ABCD2: variants seen among roughly 807,000 people sequenced by gnomAD.
ABCD2 encodes ATP-binding cassette sub-family D member 2.
Under a neutral mutation model 70.9 loss-of-function variants are expected in ABCD2, and 36 were observed. The ratio of observed to expected loss-of-function variants is 0.51; its 90% CI spans 0.39 to 0.67. The LOEUF is 0.67. Among genes scored for constraint, ABCD2 ranks in the 30% least tolerant of loss-of-function variants. ABCD2 has a pLI of 0.00. For synonymous variants in ABCD2, 304 were observed against 306.9 expected, an observed-to-expected ratio of 0.99 and a Z score of 0.10; for missense variants, 729 against 890.2, an observed-to-expected ratio of 0.82 and a Z score of 2.30.
At chr12:39,563,171 A>G (rs1941286246) in intron 9 of ABCD2, among the ~76,000 whole-genome samples, 1 of 152,190 alleles carries the variant, frequency 6.6e-6, no homozygotes, top group African/African-American at 2.4e-5. Context: ...TCAACAAAAT[A>G]AAGACCATAT....
At chr12:39,578,743 G>C (rs566964461) in intron 8 of ABCD2, among the ~76,000 whole-genome samples, 35 of 151,870 alleles carry the variant, frequency 2.3e-4, no homozygotes, top group African/African-American at 8.4e-4. Flanking sequence ...TGAAACCTAC[G>C]CAGAATGGTC....
intron 6 of ABCD2, 116 bp from the exon 7 acceptor site, chr12:39,586,413 T>C: frequency 9.8e-7 from 1 of 1,019,160 alleles, no homozygotes; most frequent in African/African-American, 1.6e-5. Flanking sequence ...ATTTCCAGGA[T>C]GATATTTGTT....
chr12:39,539,518 C>T, the ABCD2 span: 3 of 160,516 alleles, frequency 1.9e-5, no homozygotes, highest in Admixed American at 1.2e-4. Context: ...AGACTCTTTT[C>T]CTCAGGGCTG....
intron 9 of ABCD2, among the ~76,000 whole-genome samples, chr12:39,558,655 A>G (rs1448430382): frequency 6.6e-6 from 1 of 152,126 alleles, no homozygotes; most frequent in Middle Eastern, 3.2e-3. Context: ...CCTTGTGAAT[A>G]AGGTGCTTTG....
At chr12:39,575,397 A>G (rs577708660) in intron 8 of ABCD2, among the ~76,000 whole-genome samples, 40 of 152,058 alleles carry the variant, frequency 2.6e-4, no homozygotes, top group Non-Finnish European at 5.6e-4. Context: ...ATATCAAGCA[A>G]TAGCTAGAAT....
Position 39,619,723 on chromosome 12 carries a change from G to A in ABCD2, c.-108C>T, listed in dbSNP as rs1942169513. On this transcript the variant is annotated 5_prime_UTR_variant, in exon 1 of 10. Transcript: ENST00000308666. ...AAAGTCCTACAGCGTCCCATAGTCTGCAGCGTTTCTCTTCCACTGTTGTGT... is the reference window on the plus strand; with the variant it reads ...AAAGTCCTACAGCGTCCCATAGTCTACAGCGTTTCTCTTCCACTGTTGTGT... The A allele has an allele frequency of 6.2e-6, 6 of 965,308 alleles. No individual in the cohort carries two copies. The highest frequency in any genetic ancestry group is 9.0e-6 in the Non-Finnish European group (6 of 666,378). 59.8% of individuals were successfully genotyped at this position (965,308 alleles called of 1,614,324 possible). A position where few individuals can be genotyped will look rare whatever the true frequency, so the allele number is the denominator to read the frequency against.
chr12:39,582,972 A>G lies in ABCD2; in HGVS notation c.1792+3180T>C, dbSNP rs1459129723. ...CTTTGCGGGCTCAGGTGATTCTCCCACCTCAGCCTCCCAAATAGCTGAGAC... is the reference window on the plus strand; with the variant it reads ...CTTTGCGGGCTCAGGTGATTCTCCCGCCTCAGCCTCCCAAATAGCTGAGAC... On this transcript the variant is annotated intron_variant, in intron 7 of 9. Transcript: ENST00000308666. 3.3e-5 allele frequency among the ~76,000 whole-genome samples: 5 copies of G among 150,974 alleles called. No homozygotes were observed. In the East Asian group the frequency reaches 9.8e-4, roughly 29 times the overall value.
chr12:39,545,506 A>G (rs1292598147), downstream of ABCD2, among the ~76,000 whole-genome samples: 1 of 152,174 alleles, frequency 6.6e-6, no homozygotes, highest in Admixed American at 6.5e-5. Context: ...GCAGGGAGAT[A>G]ACAGAGGCAG....
At chr12:39,534,731 A>AGGAAGGAAGGAAAG in the ABCD2 span, among the ~76,000 whole-genome samples, 1 of 72,024 alleles carries the variant, frequency 1.4e-5, no homozygotes, top group Admixed American at 1.4e-4. Flanking sequence ...AGGAAGGAAA[A>AGGAAGGAAGGAAAG]GAAGGAAGGA....
At chr12:39,601,973 G>A (rs544521882) in intron 5 of ABCD2, among the ~76,000 whole-genome samples, 1 of 151,744 alleles carries the variant, frequency 6.6e-6, no homozygotes, top group Non-Finnish European at 1.5e-5. Context: ...TTCTCTATTA[G>A]GCATTCTCAG....
rs1159252631 is a variant in ABCD2, at chr12:39,618,684, C to A, written c.932G>T (p.Gly311Val). 6.2e-7 allele frequency: 1 copy of A among 1,612,574 alleles called. No individual in the cohort carries two copies. ...ANVEEIAFYRGHKVEMKQLQK... is the reference protein window; with the variant it reads ...ANVEEIAFYRVHKVEMKQLQK... ...CCTTAATTTCTATCTTACCTTATGTCCTCTGTAAAAGGCAATTTCTTCTAC... is the reference window on the plus strand; with the variant it reads ...CCTTAATTTCTATCTTACCTTATGTACTCTGTAAAAGGCAATTTCTTCTAC... Residue 311 changes from glycine to valine, a missense_variant, in exon 1 of 10, where the codon GGA becomes GTA. Gly to Val is a moderately radical substitution (Grantham distance 109, BLOSUM62 -3). This residue lies in a region of ABCD2 where 195 missense variants were observed against 300.2 expected (regional missense o/e 0.65). Transcript: ENST00000308666.
chr12:39,535,711 T>C, the ABCD2 span, among the ~76,000 whole-genome samples: 3 of 152,232 alleles, frequency 2.0e-5, no homozygotes, highest in African/African-American at 7.2e-5. Context: ...TCAACACTTA[T>C]TCATTCTAAA....
intron 9 of ABCD2, among the ~76,000 whole-genome samples, chr12:39,556,478 C>T (rs981468331): frequency 2.0e-5 from 3 of 152,098 alleles, no homozygotes; most frequent in South Asian, 2.1e-4. Flanking sequence ...CTCCTGTGTT[C>T]GTTCTCTTTC....
intron 6 of ABCD2, among the ~76,000 whole-genome samples, chr12:39,589,545 G>C (rs528902506): frequency 4.6e-5 from 7 of 151,802 alleles, no homozygotes; most frequent in African/African-American, 1.5e-4. Flanking sequence ...CTGTCACCAC[G>C]CCTGGCTAAT....
chr12:39,554,370 G>C (rs977233477), intron 9 of ABCD2, among the ~76,000 whole-genome samples: 10 of 152,024 alleles, frequency 6.6e-5, no homozygotes, highest in Admixed American at 3.9e-4. Context: ...TATATTAACT[G>C]TAAAGGAAGA....
intron 9 of ABCD2, among the ~76,000 whole-genome samples, chr12:39,568,265 A>G (rs1248052699): frequency 5.3e-5 from 8 of 152,198 alleles, no homozygotes; most frequent in Non-Finnish European, 1.0e-4. Flanking sequence ...AGGTACACCA[A>G]TCAGATGTAG....
chr12:39,553,822 C>A lies in ABCD2; in HGVS notation c.*90G>T. 1.0e-6 allele frequency: 1 copy of A among 960,634 alleles called. No homozygotes were observed. The highest frequency in any genetic ancestry group is 1.5e-6 in the Non-Finnish European group (1 of 664,512). The allele number at this position is 960,634 out of a possible 1,614,324, so 59.5% of individuals were successfully genotyped here. On this transcript the variant is annotated 3_prime_UTR_variant, in exon 10 of 10. Coordinates refer to ENST00000308666, the MANE Select transcript of ABCD2 (RefSeq NM_005164.4). ...AACATGTCTTGCTGCCTTTTTTTCT[C>A]TGTGCTTAGCTTAACATACTTCATG...
At chr12:39,564,261 C>T (rs1453617335) in intron 9 of ABCD2, among the ~76,000 whole-genome samples, 1 of 152,160 alleles carries the variant, frequency 6.6e-6, no homozygotes, top group East Asian at 1.9e-4. Context: ...AAAAGTGTTC[C>T]TATTTCTCCA....
At chr12:39,543,823 A>T in the ABCD2 span, among the ~76,000 whole-genome samples, 1 of 151,994 alleles carries the variant, frequency 6.6e-6, no homozygotes, top group Non-Finnish European at 1.5e-5. Flanking sequence ...CCACAAACAT[A>T]TATTAAGTAA....
Sources: gnomAD v4.1 joint callset for allele counts (sites outside exome capture counted in the v4.1 genomes callset) on GRCh38, gnomAD v4.1.1 for gene constraint, gnomAD v4.1.1 regional missense constraint, MANE v1.5 for transcripts, NCBI Gene and HGNC (gene_info 2026-07-23, HGNC 2026-07-21) for gene names.